BIRC6: variants seen among roughly 807,000 people sequenced by gnomAD.
The protein encoded by BIRC6 is dual E2 ubiquitin-conjugating enzyme/E3 ubiquitin-protein ligase BIRC6.
Under a neutral mutation model 503.3 loss-of-function variants are expected in BIRC6, and 98 were observed. That is an observed-to-expected ratio of 0.19 (90% CI 0.17 to 0.23). The LOEUF is 0.23. Among genes scored for constraint, BIRC6 ranks in the 10% least tolerant of loss-of-function variants. BIRC6 has a pLI of 1.00. For synonymous variants in BIRC6, 2,240 were observed against 2,078.7 expected, an observed-to-expected ratio of 1.08 and a Z score of -2.11; for missense variants, 5,360 against 5,806.0, an observed-to-expected ratio of 0.92 and a Z score of 2.50.
intron 20 of BIRC6, among the ~76,000 whole-genome samples, chr2:32,444,957 G>C (rs1270783238): frequency 1.3e-5 from 2 of 152,140 alleles, no homozygotes; most frequent in Non-Finnish European, 2.9e-5. Context: ...GGACGCTTAA[G>C]TTTTGGCATG....
chr2:32,481,816 A>T (rs973036347), intron 38 of BIRC6, among the ~76,000 whole-genome samples: 2 of 152,050 alleles, frequency 1.3e-5, no homozygotes, highest in African/African-American at 4.8e-5. Context: ...TCAGTCTCAT[A>T]CTTTTGGCTT....
chr2:32,450,703 C>T (rs760778226), intron 22 of BIRC6, among the ~76,000 whole-genome samples: 1 of 152,132 alleles, frequency 6.6e-6, no homozygotes, highest in Non-Finnish European at 1.5e-5. Flanking sequence ...GGAATTGGTT[C>T]CAGGACTCCT....
chr2:32,554,002 C>T (rs1440149572), intron 65 of BIRC6, among the ~76,000 whole-genome samples: 2 of 152,020 alleles, frequency 1.3e-5, no homozygotes, highest in African/African-American at 2.4e-5. Context: ...ATCATTTTTT[C>T]TCTAGCCCTT....
intron 72 of BIRC6, among the ~76,000 whole-genome samples, chr2:32,608,641 T>A (rs1431522146): frequency 2.0e-5 from 3 of 152,046 alleles, no homozygotes; most frequent in East Asian, 3.9e-4. Context: ...GATCTTGAAC[T>A]CCTGACCTCA....
In BIRC6 at chr2:32,529,870, G is replaced by A. The variant is rs746060422; in HGVS notation, c.12094+46G>A. 10 of 1,269,758 alleles carry A rather than the reference G, an allele frequency of 7.9e-6. No individual in the cohort carries two copies. In the East Asian group the frequency reaches 2.8e-4, roughly 36 times the overall value. 78.7% of individuals were successfully genotyped at this position (1,269,758 alleles called of 1,614,324 possible). A position where few individuals can be genotyped will look rare whatever the true frequency, so the allele number is the denominator to read the frequency against. On this transcript the variant is annotated intron_variant, in intron 60 of 73. Coordinates refer to ENST00000421745, the MANE Select transcript of BIRC6 (RefSeq NM_016252.4). ...TAAAAATTACAGACTGTCATACAAA[G>A]AGGCAGAGATTTCTATAGCTAATGA... is the stretch of plus-strand genomic sequence containing the variant.
rs567700077 is a variant in BIRC6, at chr2:32,562,268, T to C, written c.13144+12787T>C. 1.5e-3 allele frequency among the ~76,000 whole-genome samples: 234 copies of C among 152,234 alleles called. 2 individuals carry two copies. The highest frequency in any genetic ancestry group is 5.4e-3 in the African/African-American group (223 of 41,552). The stretch of plus-strand genomic sequence containing the variant: ...ATTTAATTTTTAAAACATAAACATA[T>C]CTTGTATTACTTGTATTCTTTTATA... On this transcript the variant is annotated intron_variant, in intron 65 of 73. Transcript: ENST00000421745.
chr2:32,526,373 A>G (rs1037935988), intron 59 of BIRC6: 2 of 152,246 alleles, frequency 1.3e-5, no homozygotes, highest in African/African-American at 2.4e-5. Context: ...ATGTGTGTGC[A>G]TTACTGTGTT....
intron 62 of BIRC6, among the ~76,000 whole-genome samples, chr2:32,545,156 C>T (rs1449726471): frequency 2.6e-5 from 4 of 152,078 alleles, no homozygotes; most frequent in African/African-American, 9.7e-5. Flanking sequence ...ATAATTGTCT[C>T]GTGTACCATC....
intron 25 of BIRC6, 79 bp downstream of exon 25, chr2:32,464,902 T>G (rs2048360701): frequency 6.7e-7 from 1 of 1,493,346 alleles, no homozygotes. Flanking sequence ...GAAGGCAAAA[T>G]TTTTAATACC....
chr2:32,617,577 T>G (rs767174935), intron 73 of BIRC6, 148 bp from the exon 74 acceptor site: 26 of 778,874 alleles, frequency 3.3e-5, no homozygotes, highest in Non-Finnish European at 4.8e-5. Flanking sequence ...CTATATCAAG[T>G]GCCTGTAACA....
Position 32,618,008 on chromosome 2 carries a change from G to GA in BIRC6, c.*107dup. On this transcript the variant is annotated 3_prime_UTR_variant, in exon 74 of 74. Transcript: ENST00000421745. ...TAATTATGTAATAGGTAATGAAACT[G>GA]AAACTATACTATGCCCTTAAGGAGA... 1.8e-6 allele frequency: 2 copies of GA among 1,129,942 alleles called. No individual in the cohort carries two copies. Among genetic ancestry groups the GA allele is most frequent in the Non-Finnish European group, 2.5e-6 (2 of 805,122 alleles). The allele number at this position is 1,129,942 out of a possible 1,614,324, so 70.0% of individuals were successfully genotyped here. A position where few individuals can be genotyped will look rare whatever the true frequency, so the allele number is the denominator to read the frequency against.
chr2:32,391,743 C>A, intron 4 of BIRC6, among the ~76,000 whole-genome samples: 1 of 152,138 alleles, frequency 6.6e-6, no homozygotes, highest in Middle Eastern at 3.2e-3. Context: ...CTGGTACTTT[C>A]TGTTATAGTT....
chr2:32,435,188 T>C (rs553198512), intron 13 of BIRC6, among the ~76,000 whole-genome samples: 1 of 152,332 alleles, frequency 6.6e-6, no homozygotes, highest in Non-Finnish European at 1.5e-5. Context: ...GTTTCAAAGC[T>C]CTGCAAGTGC....
At chr2:32,458,210 C>CT (rs1433434162) in intron 23 of BIRC6, among the ~76,000 whole-genome samples, 1 of 151,996 alleles carries the variant, frequency 6.6e-6, no homozygotes, top group Non-Finnish European at 1.5e-5. Flanking sequence ...CCCTTCTGCC[C>CT]TTTTTTTGCT....
intron 1 of BIRC6, among the ~76,000 whole-genome samples, chr2:32,374,574 G>A (rs1193722381): frequency 1.3e-5 from 2 of 151,222 alleles, no homozygotes; most frequent in African/African-American, 4.9e-5. Context: ...CCAGGTTCAC[G>A]CCATTCTCCT....
chr2:32,436,889 T>G (rs1190217907), intron 15 of BIRC6, among the ~76,000 whole-genome samples: 1 of 23,358 alleles, frequency 4.3e-5, no homozygotes, highest in South Asian at 7.0e-4. Flanking sequence ...GTTTTTTCTT[T>G]TTTTTTTTTT....
At chr2:32,500,927 G>T (rs139494638) in intron 46 of BIRC6, among the ~76,000 whole-genome samples, 2,577 of 151,812 alleles carry the variant, frequency 0.017, 39 homozygotes, top group South Asian at 0.065. Context: ...TGTACAGACG[G>T]GATTTCACCA....
At chr2:32,429,108 C>T in intron 10 of BIRC6, 38 bp from the exon 11 acceptor site, 1 of 1,514,552 alleles carries the variant, frequency 6.6e-7, no homozygotes, top group Non-Finnish European at 8.9e-7. Context: ...GAATGTTTAC[C>T]TATTTTTCAT....
chr2:32,530,239 C>T (rs901014231), intron 60 of BIRC6, among the ~76,000 whole-genome samples: 9 of 151,954 alleles, frequency 5.9e-5, no homozygotes, highest in Non-Finnish European at 1.2e-4. Context: ...GAGACAGAGT[C>T]TTTTTCTGTC....
Sources: allele counts gnomAD v4.1 joint callset (sites outside exome capture counted in the v4.1 genomes callset), GRCh38; gene constraint gnomAD v4.1.1; transcripts MANE v1.5; gene names NCBI Gene and HGNC (gene_info 2026-07-23, HGNC 2026-07-21).